Variants in CAPS2 observed in about 807,000 individuals in gnomAD.
CAPS2 encodes calcyphosin-2.
Under a neutral mutation model 86.5 loss-of-function variants are expected in CAPS2, and 98 were observed. The ratio of observed to expected loss-of-function variants is 1.13; its 90% CI spans 0.96 to 1.34. CAPS2 has a LOEUF of 1.34. CAPS2 is among the 40% of genes most tolerant of loss of function. The pLI is 0.00. For missense variants in CAPS2, 729 were observed against 686.8 expected (o/e 1.06, Z -0.69); for synonymous variants, 210 against 225.1 (o/e 0.93, Z 0.60).
At chr12:75,287,112 T>A (rs926301316) in intron 14 of CAPS2, among the ~76,000 whole-genome samples, 2 of 150,320 alleles carry the variant, frequency 1.3e-5, no homozygotes, top group Non-Finnish European at 3.0e-5. Flanking sequence ...ATATATATAT[T>A]ATATATATAT....
chr12:75,317,525 C>G (rs2039891162), intron 5 of CAPS2, among the ~76,000 whole-genome samples: 1 of 152,076 alleles, frequency 6.6e-6, no homozygotes, highest in South Asian at 2.1e-4. Flanking sequence ...AGCTTGTTTT[C>G]AACCTTTTAC....
intron 14 of CAPS2, among the ~76,000 whole-genome samples, chr12:75,289,417 T>G (rs2035462473): frequency 6.6e-6 from 1 of 152,228 alleles, no homozygotes; most frequent in African/African-American, 2.4e-5. Context: ...GCACAATGCC[T>G]GGTTATTAAG....
chr12:75,325,628 T>C (rs1383794880), intron 1 of CAPS2, among the ~76,000 whole-genome samples: 1 of 152,042 alleles, frequency 6.6e-6, no homozygotes, highest in African/African-American at 2.4e-5. Flanking sequence ...TGTTTGTTTT[T>C]TTGTTTGTTT....
intron 16 of CAPS2, among the ~76,000 whole-genome samples, chr12:75,280,461 C>A (rs1213645339): frequency 6.6e-6 from 1 of 151,140 alleles, no homozygotes; most frequent in Non-Finnish European, 1.5e-5. Flanking sequence ...AAGGCTTTCC[C>A]AACAACAACA....
chr12:75,386,924 C>T (rs2045323423), intron 1 of CAPS2, among the ~76,000 whole-genome samples: 1 of 151,938 alleles, frequency 6.6e-6, no homozygotes, highest in South Asian at 2.1e-4. Context: ...AAATGGATCA[C>T]AGACCTAAAT....
At chr12:75,291,843 G>A (rs755756973) in intron 12 of CAPS2, 23 bp from the exon 13 acceptor site, 4 of 1,234,628 alleles carry the variant, frequency 3.2e-6, no homozygotes, top group South Asian at 1.4e-5. Flanking sequence ...TGTTCACAGG[G>A]ATGAAATATA....
chr12:75,322,579 GAT>G (rs1459767996), intron 4 of CAPS2, among the ~76,000 whole-genome samples: 1 of 152,140 alleles, frequency 6.6e-6, no homozygotes, highest in African/African-American at 2.4e-5. Flanking sequence ...CAAAACACTA[GAT>G]ATGTTTGAAG....
At chr12:75,322,510 T>C (rs182516225) in intron 4 of CAPS2, among the ~76,000 whole-genome samples, 45 of 152,276 alleles carry the variant, frequency 3.0e-4, no homozygotes, top group African/African-American at 1.0e-3. Flanking sequence ...ATGAAAAGAC[T>C]AACAAAAACA....
In CAPS2 at chr12:75,278,926, GT is replaced by G. The variant is rs756078380; in HGVS notation, c.1751del (p.Asp584AlafsTer15). ...ATGGAGTACGTAAGATGTTAACAAA[GT>G]CTTCATCATCTACTATTCCTATACT... On this transcript the variant is annotated frameshift_variant, in exon 17 of 17. Transcript: ENST00000393284. LOFTEE classifies it high-confidence loss of function. 2.5e-6 allele frequency: 4 copies of G among 1,599,238 alleles called. No individual in the cohort carries two copies. In the East Asian group the frequency reaches 6.7e-5, roughly 27 times the overall value.
intron 1 of CAPS2, among the ~76,000 whole-genome samples, chr12:75,378,956 A>T (rs1298490922): frequency 1.3e-5 from 2 of 152,200 alleles, no homozygotes; most frequent in Non-Finnish European, 2.9e-5. Context: ...TTGCTTTTTA[A>T]CTTGTGGTAT....
chr12:75,369,980 C>A (rs1261869522), intron 1 of CAPS2: 3 of 1,086,936 alleles, frequency 2.8e-6, no homozygotes, highest in Non-Finnish European at 4.0e-6. Context: ...ACTTATTATA[C>A]CTAACCGTAT....
chr12:75,384,814 G>A (rs2045200699), intron 1 of CAPS2, among the ~76,000 whole-genome samples: 1 of 151,506 alleles, frequency 6.6e-6, no homozygotes. Context: ...ACATGATGGA[G>A]TGGAATTTAT....
chr12:75,295,828 T>A (rs1206076522), intron 11 of CAPS2, among the ~76,000 whole-genome samples: 1 of 152,220 alleles, frequency 6.6e-6, no homozygotes, highest in Admixed American at 6.5e-5. Context: ...CAGTCTTTAA[T>A]CTTTTAGATC....
At chr12:75,363,170 A>C in intron 1 of CAPS2, 2 of 1,539,934 alleles carry the variant, frequency 1.3e-6, no homozygotes, top group Non-Finnish European at 1.7e-6. Flanking sequence ...AAAGAAGAGA[A>C]ATGTGTAAAG....
chr12:75,389,368 T>A (rs997629151), intron 1 of CAPS2, among the ~76,000 whole-genome samples: 1 of 152,174 alleles, frequency 6.6e-6, no homozygotes, highest in African/African-American at 2.4e-5. Context: ...TTGAATGAGA[T>A]GTCTAGCAGT....
chr12:75,368,924 T>C (rs1027610137), intron 1 of CAPS2, among the ~76,000 whole-genome samples: 6 of 151,946 alleles, frequency 3.9e-5, no homozygotes, highest in Admixed American at 3.3e-4. Context: ...TTTATCCACA[T>C]TTCAATGAAA....
chr12:75,287,395 T>A (rs1024065846), intron 14 of CAPS2, among the ~76,000 whole-genome samples: 2 of 151,796 alleles, frequency 1.3e-5, no homozygotes, highest in African/African-American at 4.8e-5. Context: ...TCAGAAGGGG[T>A]CCTGCCCCCA....
intron 1 of CAPS2, among the ~76,000 whole-genome samples, chr12:75,380,459 T>C (rs1421768514): frequency 6.6e-6 from 1 of 152,200 alleles, no homozygotes; most frequent in Non-Finnish European, 1.5e-5. Context: ...CCTGTAGTTA[T>C]ATTCACTGGG....
At chr12:75,349,314 T>C (rs761955683) in intron 1 of CAPS2, among the ~76,000 whole-genome samples, 1 of 152,212 alleles carries the variant, frequency 6.6e-6, no homozygotes, top group South Asian at 2.1e-4. Flanking sequence ...TAAGAAATGA[T>C]TGAAAATGAT....
Sources: gnomAD v4.1 joint callset for allele counts (sites outside exome capture counted in the v4.1 genomes callset) on GRCh38, gnomAD v4.1.1 for gene constraint, MANE v1.5 for transcripts, NCBI Gene and HGNC (gene_info 2026-07-23, HGNC 2026-07-21) for gene names.